Variants in NRG2 observed in about 807,000 individuals in gnomAD.
The protein encoded by NRG2 is pro-neuregulin-2, membrane-bound isoform.
In NRG2, 27 loss-of-function variants were observed where a neutral mutation model predicts 73.9. The observed-to-expected ratio is 0.37, with a 90% confidence interval of 0.27 to 0.50. The LOEUF is 0.50. Ranked by LOEUF, NRG2 falls within the 20% of genes least tolerant of loss-of-function variation. The pLI is 0.96. For synonymous variants in NRG2, 532 were observed against 541.0 expected, an observed-to-expected ratio of 0.98 and a Z score of 0.23; for missense variants, 1,126 against 1,210.1, an observed-to-expected ratio of 0.93 and a Z score of 1.03.
At position 139,847,893 on chromosome 5, in the gene NRG2, G is replaced by GGCGGAGGGGCGCGCGGC. The variant is rs1483623685; in HGVS notation, c.*7_*23dup. The GGCGGAGGGGCGCGCGGC allele has an allele frequency of 7.1e-7, 1 of 1,401,268 alleles. No individual in the cohort carries two copies. Among genetic ancestry groups the GGCGGAGGGGCGCGCGGC allele is most frequent in the Non-Finnish European group, 9.2e-7 (1 of 1,083,284 alleles). The allele number at this position is 1,401,268 out of a possible 1,614,324, so 86.8% of individuals were successfully genotyped here. On this transcript the variant is annotated 3_prime_UTR_variant, in exon 10 of 10. Transcript: ENST00000361474. ...TCCTTAAAGATAGTGGGGCGGGCGGGGCGGAGGGGCGCGCGGCGGGGCCCT... is the reference window on the plus strand; with the variant it reads ...TCCTTAAAGATAGTGGGGCGGGCGGGGCGGAGGGGCGCGCGGCGCGGAGGGGCGCGCGGCGGGGCCCT...
rs1232618875 is a variant in NRG2 at position 140,042,661 on chromosome 5, C to T, written c.409G>A (p.Gly137Arg). 2 of 1,595,968 alleles carry T rather than the reference C, an allele frequency of 1.3e-6. No individual in the cohort carries two copies. The highest frequency in any genetic ancestry group is 3.5e-5 in the Admixed American group (2 of 57,530). ...CTGGAGCCGCCGGCTGGGACCAGCC[C>T]CTGTACCTTGCCCTCCACCACCACG... Reference protein sequence around the residue: ...APVVVEGKVQGLVPAGGSSSN... With the variant: ...APVVVEGKVQRLVPAGGSSSN... Residue 137 changes from glycine to arginine, a missense_variant, in exon 1 of 10, where the codon GGG becomes AGG. Gly to Arg is a moderately radical substitution (Grantham distance 125). Transcript: ENST00000361474.
At position 139,916,182 on chromosome 5, in the gene NRG2, C is replaced by T. The variant is rs117640685; in HGVS notation, c.701-28671G>A. 3.5e-4 allele frequency among the ~76,000 whole-genome samples: 53 copies of T among 152,134 alleles called. 1 individual carries two copies. The East Asian group carries it at 9.5e-3, about 27-fold the overall frequency. ...GGGTGCTTGCTACAAATGCAAGTACCGATCCCACGAAAAACATTCTGAATT... is the reference window on the plus strand; with the variant it reads ...GGGTGCTTGCTACAAATGCAAGTACTGATCCCACGAAAAACATTCTGAATT... On this transcript the variant is annotated intron_variant, in intron 1 of 9. Transcript: ENST00000361474.
Position 139,938,948 on chromosome 5 carries a change from AG to A in NRG2, c.701-51438del, listed in dbSNP as rs1226729747. ...AAGAAAGAAAGAAAGAAAGAAAGAA[AG>A]AAAGAAAGAAAAAAGAAGGAAGGAA... On this transcript the variant is annotated intron_variant, in intron 1 of 9. Coordinates refer to ENST00000361474, the MANE Select transcript of NRG2 (RefSeq NM_004883.3). Among the ~76,000 whole-genome samples, 160 of 140,846 alleles carry A rather than the reference AG, an allele frequency of 1.1e-3. 1 individual carries two copies. The highest frequency in any genetic ancestry group is 7.5e-3 in the Middle Eastern group (2 of 266). The allele number at this position is 140,846 out of a possible 152,430, so 92.4% of individuals were successfully genotyped here.
chr5:139,848,071 C>A lies in NRG2; in HGVS notation c.2399G>T (p.Gly800Val). 1.3e-6 allele frequency: 2 copies of A among 1,497,760 alleles called. No individual in the cohort carries two copies. The highest frequency in any genetic ancestry group is 1.3e-5 in the South Asian group (1 of 79,812). The allele number at this position is 1,497,760 out of a possible 1,614,324, so 92.8% of individuals were successfully genotyped here. A position where few individuals can be genotyped will look rare whatever the true frequency, so the allele number is the denominator to read the frequency against. ...AESTPFLGLR[G>V]AHDALRSDSP... Reference sequence around the variant, plus strand: ...GTCCGAGCGCAGCGCGTCGTGCGCCCCACGCAGGCCCAGGAAAGGTGTGCT... The same window carrying A: ...GTCCGAGCGCAGCGCGTCGTGCGCCACACGCAGGCCCAGGAAAGGTGTGCT... The change falls in exon 10 of 10, where the codon GGG (glycine) becomes GTG (valine). Residue 800 changes from glycine to valine, a missense_variant. Physicochemically the swap from Gly to Val is moderately radical, Grantham distance 109. Coordinates refer to ENST00000361474, the MANE Select transcript of NRG2 (RefSeq NM_004883.3).
At position 139,894,456 on chromosome 5, in the gene NRG2, G is replaced by GA. The variant is rs55943011; in HGVS notation, c.701-6946dup. Among the ~76,000 whole-genome samples, 138 of 140,112 alleles carry GA rather than the reference G, an allele frequency of 9.8e-4. No homozygotes were observed. Among genetic ancestry groups the GA allele is most frequent in the Non-Finnish European group, 1.0e-3 (66 of 63,896 alleles). 91.9% of individuals were successfully genotyped at this position (140,112 alleles called of 152,430 possible). A position where few individuals can be genotyped will look rare whatever the true frequency, so the allele number is the denominator to read the frequency against. On this transcript the variant is annotated intron_variant, in intron 1 of 9. Coordinates refer to ENST00000361474, the MANE Select transcript of NRG2 (RefSeq NM_004883.3). This position sits in a 1 kb window ranked among gnomAD's most constrained non-coding sequence, Gnocchi z 5.0. ...ACAGACTCCAAGTTCAAATGAGAAAGAAAAAAAAAAAACCCACTAAGCTAA... is the reference window on the plus strand; with the variant it reads ...ACAGACTCCAAGTTCAAATGAGAAAGAAAAAAAAAAAAACCCACTAAGCTAA...
chr5:140,018,058 C>A (rs1287206439), intron 1 of NRG2, among the ~76,000 whole-genome samples: 1 of 151,910 alleles, frequency 6.6e-6, no homozygotes, highest in Non-Finnish European at 1.5e-5. Context: ...TTAGCTCTTC[C>A]AATTTTCCCA....
rs576161092 is a variant in NRG2 at position 139,904,069 on chromosome 5, G to C, written c.701-16558C>G. Among the ~76,000 whole-genome samples, 49 of 152,298 alleles carry C rather than the reference G, an allele frequency of 3.2e-4. No homozygotes were observed. The highest frequency in any genetic ancestry group is 3.4e-3 in the Middle Eastern group (1 of 292). ...CAGCGCCTCTTGCCCGCCCCTGCGTGGGGACGCGGCCGCCCGGGGAGAGGC... is the reference window on the plus strand; with the variant it reads ...CAGCGCCTCTTGCCCGCCCCTGCGTCGGGACGCGGCCGCCCGGGGAGAGGC... On this transcript the variant is annotated intron_variant, in intron 1 of 9. Transcript: ENST00000361474. The surrounding 1 kb of genome is among the most constrained non-coding windows in gnomAD (Gnocchi z 6.0).
At chr5:139,891,824 C>A (rs1317869756) in intron 1 of NRG2, among the ~76,000 whole-genome samples, 2 of 151,820 alleles carry the variant, frequency 1.3e-5, no homozygotes, top group Non-Finnish European at 2.9e-5. Context: ...TTATTTTGTA[C>A]ATTAAAAAAA....
intron 1 of NRG2, among the ~76,000 whole-genome samples, chr5:139,951,674 C>T (rs912005775): frequency 6.6e-6 from 1 of 152,250 alleles, no homozygotes; most frequent in African/African-American, 2.4e-5. Flanking sequence ...TTTCATCCTA[C>T]ACCACCCAGC....
chr5:139,911,016 C>T (rs1765531232), intron 1 of NRG2, among the ~76,000 whole-genome samples: 1 of 151,822 alleles, frequency 6.6e-6, no homozygotes, highest in South Asian at 2.1e-4. Context: ...TCCCCTGGCT[C>T]CAGGGGCCGG....
intron 1 of NRG2, among the ~76,000 whole-genome samples, chr5:139,917,169 T>C (rs1751316113): frequency 6.6e-6 from 1 of 152,246 alleles, no homozygotes; most frequent in African/African-American, 2.4e-5. Context: ...TGAGGTATAA[T>C]TCACATACCA....
intron 1 of NRG2, among the ~76,000 whole-genome samples, chr5:139,919,758 T>C (rs1453073680): frequency 6.6e-6 from 1 of 152,196 alleles, no homozygotes; most frequent in African/African-American, 2.4e-5. Context: ...GCAATGAATG[T>C]ACACCATGCA....
At chr5:139,963,578 T>G (rs1755245473) in intron 1 of NRG2, among the ~76,000 whole-genome samples, 1 of 152,220 alleles carries the variant, frequency 6.6e-6, no homozygotes, top group Admixed American at 6.5e-5. Context: ...TCTTACCATG[T>G]GCCAGCCACC....
chr5:139,887,362 G>T lies in NRG2; in HGVS notation c.850C>A (p.Arg284Ser), dbSNP rs761944120. 1 of 1,614,202 alleles carries T rather than the reference G, an allele frequency of 6.2e-7. No homozygotes were observed. The highest frequency in any genetic ancestry group is 8.5e-7 in the Non-Finnish European group (1 of 1,180,034). The change falls in exon 2 of 10, where the codon CGC (arginine) becomes AGC (serine). Residue 284 changes from arginine (R) to serine (S), a missense_variant. By Grantham distance (110) the Arg-to-Ser change is moderately radical (BLOSUM62 -1). Around this residue, in one of 3 missense-constraint regions of NRG2, gnomAD observed 539 missense variants for 703.2 expected, o/e 0.77. Transcript: ENST00000361474. The surrounding 1 kb of genome is among the most constrained non-coding windows in gnomAD (Gnocchi z 4.5). Reference sequence around the variant, plus strand: ...TACCTGCCGTTGCCATATTTGATGCGAATGTCTCGGCTGCGGTTGAGCTCC... The same window carrying T: ...TACCTGCCGTTGCCATATTTGATGCTAATGTCTCGGCTGCGGTTGAGCTCC... ...GKELNRSRDI[R>S]IKYGNGRKNS...
rs200548250 is a variant in NRG2 at position 140,042,436 on chromosome 5, C to T, written c.634G>A (p.Ala212Thr). 38 of 1,610,292 alleles carry T rather than the reference C, an allele frequency of 2.4e-5. No homozygotes were observed. In the East Asian group the frequency reaches 8.3e-4, roughly 35 times the overall value. The change falls in exon 1 of 10, where the codon GCC becomes ACC. Residue 212 changes from alanine to threonine, a missense_variant. Coordinates refer to ENST00000361474, the MANE Select transcript of NRG2 (RefSeq NM_004883.3). ...EQPLVFKTAF[A>T]PLDTNGKNLK... ...TTTTTGCCGTTGGTATCGAGGGGGG[C>T]AAAGGCCGTCTTAAAGACTAAGGGC...
intron 1 of NRG2, among the ~76,000 whole-genome samples, chr5:139,901,271 CTG>C (rs1360517484): frequency 1.3e-5 from 2 of 152,210 alleles, no homozygotes; most frequent in African/African-American, 4.8e-5. Flanking sequence ...GGATGAAAGA[CTG>C]TTGGGAAGTA....
chr5:140,042,904 T>C lies in NRG2; in HGVS notation c.166A>G (p.Ile56Val). ...TCTGGGGGCGCAGCGGGACGAGAGA[T>C]GCTGCTGTTGTTGCTGCTGCTCCTG... ...SSRSSSNNSS[I>V]SRPAAPPEPR... Residue 56 changes from isoleucine to valine, a missense_variant, in exon 1 of 10, where the codon ATC becomes GTC. By Grantham distance (29) the Ile-to-Val change is conservative (BLOSUM62 3). Transcript: ENST00000361474. 1 of 1,535,516 alleles carries C rather than the reference T, an allele frequency of 6.5e-7. No individual in the cohort carries two copies. The highest frequency in any genetic ancestry group is 8.8e-7 in the Non-Finnish European group (1 of 1,142,630).
At position 139,865,445 on chromosome 5, in the gene NRG2, A is replaced by G; in HGVS notation, c.1189+104T>C. On this transcript the variant is annotated intron_variant, in intron 5 of 9. Transcript: ENST00000361474. The surrounding 1 kb of genome is among the most constrained non-coding windows in gnomAD (Gnocchi z 5.2). The stretch of plus-strand genomic sequence containing the variant: ...AAGAGAAACAAAACAAAACAGCCAA[A>G]GATCAAAACAACCAACACCCCTGGC... 2.3e-6 allele frequency: 2 copies of G among 852,618 alleles called. No individual in the cohort carries two copies. Among genetic ancestry groups the G allele is most frequent in the South Asian group, 3.0e-5 (2 of 66,928 alleles). 52.8% of individuals were successfully genotyped at this position (852,618 alleles called of 1,614,324 possible).
intron 3 of NRG2, among the ~76,000 whole-genome samples, chr5:139,875,656 T>C (rs1341561003): frequency 1.3e-5 from 2 of 152,304 alleles, no homozygotes; most frequent in East Asian, 3.9e-4. Context: ...AGCCAATGGC[T>C]GGCTCACCCC....
Sources: gnomAD v4.1 joint callset for allele counts (sites outside exome capture counted in the v4.1 genomes callset) on GRCh38, gnomAD v4.1.1 for gene constraint, gnomAD v4.1.1 regional missense constraint, Gnocchi (gnomAD v3.1) non-coding constraint, MANE v1.5 for transcripts, NCBI Gene and HGNC (gene_info 2026-07-23, HGNC 2026-07-21) for gene names.